PRDM5: variants seen among roughly 807,000 people sequenced by gnomAD.
The protein encoded by PRDM5 is PR domain zinc finger protein 5.
In PRDM5, 56 loss-of-function variants were observed where a neutral mutation model predicts 81.2. The observed-to-expected ratio is 0.69, with a 90% CI of 0.56 to 0.86. The LOEUF (loss-of-function observed/expected upper bound fraction) is 0.86, where lower values mean the gene tolerates loss of function less well. Among genes scored for constraint, PRDM5 ranks in the 40% least tolerant of loss-of-function variants. The probability of loss-of-function intolerance (pLI) is 0.00; values close to 1 mark genes in which losing one functional copy is unlikely to be tolerated. For synonymous variants in PRDM5, 267 were observed against 256.4 expected (o/e 1.04, Z -0.39); for missense variants, 697 against 770.1 (o/e 0.91, Z 1.12).
intron 1 of PRDM5, among the ~76,000 whole-genome samples, chr4:120,912,504 G>A (rs1766633719): frequency 6.6e-6 from 1 of 152,180 alleles, no homozygotes; most frequent in Admixed American, 6.5e-5. Flanking sequence ...TAAAAAGGGG[G>A]AGGGAGGGAT....
At chr4:120,918,879 A>T (rs1239650203) in intron 1 of PRDM5, among the ~76,000 whole-genome samples, 4 of 152,162 alleles carry the variant, frequency 2.6e-5, no homozygotes, top group Non-Finnish European at 5.9e-5. Context: ...TCAGCAAAAA[A>T]TTACAAGATA....
chr4:120,849,877 A>G (rs1043088727), intron 3 of PRDM5, among the ~76,000 whole-genome samples: 1 of 152,132 alleles, frequency 6.6e-6, no homozygotes, highest in African/African-American at 2.4e-5. Context: ...CAACTTTCAC[A>G]TTTAGAATTT....
At chr4:120,684,719 C>A (rs577306424), downstream of PRDM5, among the ~76,000 whole-genome samples, 2 of 151,918 alleles carry the variant, frequency 1.3e-5, no homozygotes, top group South Asian at 4.2e-4. Flanking sequence ...CACTACTGTT[C>A]TTTTGCTCAG....
intron 15 of PRDM5, among the ~76,000 whole-genome samples, chr4:120,696,252 A>G (rs1384150121): frequency 3.3e-5 from 5 of 152,150 alleles, no homozygotes. Flanking sequence ...TCACTTTCCA[A>G]GGAAGCCTGC....
At chr4:120,813,622 G>A (rs1198143746) in intron 7 of PRDM5, among the ~76,000 whole-genome samples, 1 of 152,164 alleles carries the variant, frequency 6.6e-6, no homozygotes, top group Non-Finnish European at 1.5e-5. Flanking sequence ...CTCAGTGATT[G>A]AAAAGTAACA....
chr4:120,900,808 T>TG (rs1156391079), intron 2 of PRDM5, among the ~76,000 whole-genome samples: 1 of 152,178 alleles, frequency 6.6e-6, no homozygotes, highest in Non-Finnish European at 1.5e-5. Flanking sequence ...TGTGGAGTTT[T>TG]GGGGGGTATT....
At position 120,850,336 on chromosome 4, in the gene PRDM5, G is replaced by C. The variant is rs1170137712; in HGVS notation, c.300+3082C>G. On this transcript the variant is annotated intron_variant, in intron 3 of 15. Coordinates refer to ENST00000264808, the MANE Select transcript of PRDM5 (RefSeq NM_018699.4). ...TGACCTTACCAACTCAATGTTTCTG[G>C]AATGCAATCTTTAGGAGATCATTCC... Among the ~76,000 whole-genome samples, 3 of 152,100 alleles carry C rather than the reference G, an allele frequency of 2.0e-5. No homozygotes were observed. The South Asian group carries it at 6.2e-4, about 32-fold the overall frequency.
intron 2 of PRDM5, among the ~76,000 whole-genome samples, chr4:120,864,992 C>T (rs1032054476): frequency 6.6e-6 from 1 of 152,156 alleles, no homozygotes; most frequent in Admixed American, 6.6e-5. Flanking sequence ...GCATCAATAA[C>T]TGCTCTGGCA....
chr4:120,731,856 A>C (rs973469452), intron 14 of PRDM5: 2 of 152,186 alleles, frequency 1.3e-5, no homozygotes, highest in Admixed American at 6.5e-5. Flanking sequence ...TGGAATGCCT[A>C]CTTCTGCACA....
chr4:120,752,715 C>A (rs1578596597), intron 14 of PRDM5, among the ~76,000 whole-genome samples: 1 of 152,228 alleles, frequency 6.6e-6, no homozygotes, highest in Middle Eastern at 3.4e-3. Context: ...TGCAAATGGT[C>A]TTTGTAGCCA....
intron 3 of PRDM5, among the ~76,000 whole-genome samples, chr4:120,827,128 G>A (rs140577830): frequency 2.2e-4 from 34 of 152,128 alleles, no homozygotes; most frequent in African/African-American, 6.7e-4. Context: ...CCCTTCCTTC[G>A]GACAACGAAT....
chr4:120,886,963 T>C (rs1763509154), intron 2 of PRDM5, among the ~76,000 whole-genome samples: 2 of 151,288 alleles, frequency 1.3e-5, no homozygotes, highest in South Asian at 4.2e-4. Context: ...TTTTTTTTTA[T>C]GAGATGAAGT....
chr4:120,722,084 A>C (rs35021943), intron 14 of PRDM5, among the ~76,000 whole-genome samples: 28,646 of 152,142 alleles, frequency 0.19, 2,886 homozygotes, highest in Non-Finnish European at 0.24. Flanking sequence ...GGCTACGCAG[A>C]TGTGTATGGG....
chr4:120,857,232 C>T (rs1759980483), intron 2 of PRDM5, among the ~76,000 whole-genome samples: 1 of 152,114 alleles, frequency 6.6e-6, no homozygotes, highest in South Asian at 2.1e-4. Flanking sequence ...GTGGCACATG[C>T]CTATAGTCCC....
At position 120,720,421 on chromosome 4, in the gene PRDM5, G is replaced by T. The variant is rs1395403694; in HGVS notation, c.1624-10008C>A. Among the ~76,000 whole-genome samples, 8 of 152,276 alleles carry T rather than the reference G, an allele frequency of 5.3e-5. No homozygotes were observed. The East Asian group carries it at 1.4e-3, about 26-fold the overall frequency. On this transcript the variant is annotated intron_variant, in intron 14 of 15. Coordinates refer to ENST00000264808, the MANE Select transcript of PRDM5 (RefSeq NM_018699.4). Reference sequence around the variant, plus strand: ...CTTTGAGACCAAAAGATGACTACTTGCTTCTATAAACCAAATTCGCAACAG... The same window carrying T: ...CTTTGAGACCAAAAGATGACTACTTTCTTCTATAAACCAAATTCGCAACAG...
At chr4:120,769,677 A>C (rs1201922645) in intron 13 of PRDM5, among the ~76,000 whole-genome samples, 1 of 152,214 alleles carries the variant, frequency 6.6e-6, no homozygotes, top group Non-Finnish European at 1.5e-5. Context: ...AAATGTCTGA[A>C]AAACCCATGA....
At chr4:120,920,952 A>T (rs1724834511) in intron 1 of PRDM5, among the ~76,000 whole-genome samples, 1 of 152,216 alleles carries the variant, frequency 6.6e-6, no homozygotes, top group Admixed American at 6.5e-5. Context: ...TGAAAAAAAT[A>T]AACTGAAATT....
At chr4:120,769,187 G>C (rs1017062924) in intron 13 of PRDM5, among the ~76,000 whole-genome samples, 14 of 152,108 alleles carry the variant, frequency 9.2e-5, no homozygotes, top group African/African-American at 3.1e-4. Context: ...TTTATCTATT[G>C]AATAAGCATT....
At chr4:120,816,048 C>T (rs190850172) in intron 7 of PRDM5, 1 of 219,416 alleles carries the variant, frequency 4.6e-6, no homozygotes, top group East Asian at 1.3e-4. Flanking sequence ...ACTGTATTTT[C>T]ACAAGTTGGA....
Sources: gnomAD v4.1 joint callset for allele counts (sites outside exome capture counted in the v4.1 genomes callset) on GRCh38, gnomAD v4.1.1 for gene constraint, MANE v1.5 for transcripts, NCBI Gene and HGNC (gene_info 2026-07-23, HGNC 2026-07-21) for gene names.